RAB33A: variants seen among roughly 807,000 people sequenced by gnomAD.
RAB33A encodes the protein ras-related protein Rab-33A.
In RAB33A, 6 loss-of-function variants were observed where a neutral mutation model predicts 12.0. The ratio of observed to expected loss-of-function variants is 0.50; its 90% confidence interval spans 0.27 to 0.99. The LOEUF (loss-of-function observed/expected upper bound fraction) is 0.99, where lower values mean the gene tolerates loss of function less well. Ranked by LOEUF, RAB33A falls within the 50% of genes least tolerant of loss-of-function variation. The pLI is 0.11. For missense variants in RAB33A, 109 were observed against 192.0 expected, an observed-to-expected ratio of 0.57 and a Z score of 2.55; for synonymous variants, 70 against 82.4, an observed-to-expected ratio of 0.85 and a Z score of 0.81.
chrX:130,170,090 T>G (rs149205913), upstream of RAB33A, among the ~76,000 whole-genome samples: 26 of 112,576 alleles, frequency 2.3e-4, no homozygotes, highest in Non-Finnish European at 3.9e-4. Context: ...TCTGGGTAGT[T>G]TTAATGCTGA....
the RAB33A span, among the ~76,000 whole-genome samples, chrX:130,150,905 G>A: frequency 1.1e-5 from 1 of 94,070 alleles, no homozygotes; most frequent in East Asian, 3.5e-4. Context: ...AACCCAGGAG[G>A]TGGAGGTTGC....
At chrX:130,153,391 CT>C in the RAB33A span, among the ~76,000 whole-genome samples, 5 of 105,934 alleles carry the variant, frequency 4.7e-5, no homozygotes, top group Non-Finnish European at 9.7e-5. Context: ...AGTTTACTCC[CT>C]TTTTTTGGAG....
chrX:130,158,357 T>C, the RAB33A span, among the ~76,000 whole-genome samples: 3 of 112,381 alleles, frequency 2.7e-5, no homozygotes, highest in African/African-American at 9.7e-5. Flanking sequence ...TGACTGGCTT[T>C]GGCCTGTGGC....
chrX:130,180,596 A>G (rs1255992621), intron 1 of RAB33A, among the ~76,000 whole-genome samples: 1 of 109,531 alleles, frequency 9.1e-6, no homozygotes, highest in East Asian at 2.9e-4. Flanking sequence ...CTGGGACTAC[A>G]GGCACCTGCC....
chrX:130,184,684 G>A lies in RAB33A; in HGVS notation c.658G>A (p.Val220Met). The A allele has an allele frequency of 8.3e-7, 1 of 1,211,847 alleles. No homozygotes were observed. The highest frequency in any genetic ancestry group is 1.7e-5 in the African/African-American group (1 of 57,828). ...YRDAERQQGK[V>M]QKLEFPQEAN... ...TGATGCTGAGAGGCAGCAGGGGAAG[G>A]TGCAGAAACTGGAGTTCCCACAGGA... is the stretch of plus-strand genomic sequence containing the variant. The change falls in exon 2 of 2, where the codon GTG becomes ATG. Residue 220 changes from valine to methionine, a missense_variant. Transcript: ENST00000257017.
chrX:130,132,574 T>A, the RAB33A span, among the ~76,000 whole-genome samples: 17 of 112,347 alleles, frequency 1.5e-4, no homozygotes, highest in African/African-American at 5.5e-4. Flanking sequence ...AAAAACTTTT[T>A]ATTTAAAAAA....
the RAB33A span, among the ~76,000 whole-genome samples, chrX:130,144,495 T>C: frequency 4.5e-3 from 499 of 111,735 alleles, 3 homozygotes; most frequent in African/African-American, 0.015. Context: ...GCACCAAACA[T>C]GCTTTTTTGT....
At chrX:130,113,074 C>CTT in the RAB33A span, among the ~76,000 whole-genome samples, 11 of 55,361 alleles carry the variant, frequency 2.0e-4, no homozygotes, top group Non-Finnish European at 2.5e-4. Context: ...TTTTTTTTTC[C>CTT]TTCTTTTTTT....
At chrX:130,117,074 C>T in the RAB33A span, among the ~76,000 whole-genome samples, 1 of 111,480 alleles carries the variant, frequency 9.0e-6, no homozygotes, top group Non-Finnish European at 1.9e-5. Context: ...ATTAGCCGGG[C>T]GTGGTGGCGG....
the RAB33A span, among the ~76,000 whole-genome samples, chrX:130,147,300 C>T: frequency 1.8e-5 from 2 of 112,529 alleles, no homozygotes; most frequent in Non-Finnish European, 3.8e-5. Context: ...GTTGGTAGAT[C>T]TGGTAACAGA....
At chrX:130,163,439 G>C in the RAB33A span, among the ~76,000 whole-genome samples, 2 of 111,756 alleles carry the variant, frequency 1.8e-5, no homozygotes, top group Non-Finnish European at 3.8e-5. Flanking sequence ...ATTAAAAGCA[G>C]TTAGGAATCA....
At chrX:130,152,321 G>A in the RAB33A span, among the ~76,000 whole-genome samples, 1 of 110,535 alleles carries the variant, frequency 9.0e-6, no homozygotes, top group Non-Finnish European at 1.9e-5. Flanking sequence ...GTTTAGTGGG[G>A]AAAGGGCAAG....
the RAB33A span, among the ~76,000 whole-genome samples, chrX:130,121,262 T>G: frequency 1.9e-5 from 2 of 103,918 alleles, no homozygotes; most frequent in African/African-American, 7.0e-5. Flanking sequence ...CTTTTTTTTT[T>G]TTTTTTTGGC....
At chrX:130,135,450 A>AC in the RAB33A span, among the ~76,000 whole-genome samples, 4 of 107,231 alleles carry the variant, frequency 3.7e-5, no homozygotes, top group Admixed American at 1.0e-4. Context: ...AAAAAAAAAA[A>AC]AAAAAACAAG....
At chrX:130,162,569 T>G in the RAB33A span, among the ~76,000 whole-genome samples, 1 of 112,188 alleles carries the variant, frequency 8.9e-6, no homozygotes, top group African/African-American at 3.2e-5. Context: ...GCCAAAGAAT[T>G]TCTTCTGCAA....
intron 1 of RAB33A, among the ~76,000 whole-genome samples, chrX:130,179,068 G>A (rs2031694850): frequency 9.1e-6 from 1 of 109,609 alleles, no homozygotes. Flanking sequence ...TCTGCTGCGA[G>A]CAGCCTGCTT....
the RAB33A span, among the ~76,000 whole-genome samples, chrX:130,158,767 T>A: frequency 9.4e-6 from 1 of 105,908 alleles, no homozygotes; most frequent in Non-Finnish European, 1.9e-5. Flanking sequence ...TAAGAAAGTT[T>A]ACAAATTTGT....
the RAB33A span, among the ~76,000 whole-genome samples, chrX:130,120,274 G>A: frequency 1.4e-3 from 156 of 110,870 alleles, 1 homozygote; most frequent in African/African-American, 5.0e-3. Context: ...CAGAAGACCG[G>A]ATTGACAAGC....
chrX:130,171,931 C>T, upstream of RAB33A: 1 of 795,206 alleles, frequency 1.3e-6, no homozygotes, highest in Non-Finnish European at 1.7e-6. Context: ...CGCACGCACA[C>T]ACGGGCGGAC....
Sources: gnomAD v4.1 joint callset for allele counts (sites outside exome capture counted in the v4.1 genomes callset) on GRCh38, gnomAD v4.1.1 for gene constraint, MANE v1.5 for transcripts, NCBI Gene and HGNC (gene_info 2026-07-23, HGNC 2026-07-21) for gene names.